PKP2: variants seen among roughly 807,000 people sequenced by gnomAD.
PKP2 encodes plakophilin-2.
A neutral mutation model predicts 83.4 loss-of-function variants in PKP2; 73 were observed. That is an observed-to-expected ratio of 0.88 (90% CI 0.72 to 1.06). The LOEUF is 1.06. Ranked by LOEUF, PKP2 falls within the 50% of genes least tolerant of loss-of-function variation. PKP2 has a pLI of 0.00. For synonymous variants in PKP2, 409 were observed against 430.4 expected, an observed-to-expected ratio of 0.95 and a Z score of 0.62; for missense variants, 966 against 1,065.4, an observed-to-expected ratio of 0.91 and a Z score of 1.30.
At position 32,850,968 on chromosome 12, in the gene PKP2, G is replaced by A; in HGVS notation, c.1176C>T (p.Asn392=). 1 of 1,613,778 alleles carries A rather than the reference G, an allele frequency of 6.2e-7. No individual in the cohort carries two copies. The highest frequency in any genetic ancestry group is 8.5e-7 in the Non-Finnish European group (1 of 1,179,832). ...GAAGCTTGAGGATGCCACGAAGCTGGTTAACCTGGGGAAGAAGCAGATGCA... is the reference window on the plus strand; with the variant it reads ...GAAGCTTGAGGATGCCACGAAGCTGATTAACCTGGGGAAGAAGCAGATGCA... ...FQKSEARKRV[N]QLRGILKLLQ... Residue 392 remains asparagine (N), a synonymous_variant, in exon 5 of 13, where the codon AAC becomes AAT. Transcript: ENST00000340811.
chr12:32,855,168 C>T (rs1206055584), intron 4 of PKP2, among the ~76,000 whole-genome samples: 2 of 152,184 alleles, frequency 1.3e-5, no homozygotes, highest in African/African-American at 4.8e-5. Flanking sequence ...CACAGACTAA[C>T]ATGCAAAAAT....
chr12:32,802,385 A>T lies in PKP2; in HGVS notation c.2167+18T>A. 6.2e-7 allele frequency: 1 copy of T among 1,611,484 alleles called. No homozygotes were observed. The highest frequency in any genetic ancestry group is 8.5e-7 in the Non-Finnish European group (1 of 1,177,768). ...TTCAGCATGTACATATTACACATAG[A>T]TACTTATACCGACTCACCAATTTCA... On this transcript the variant is annotated intron_variant, in intron 10 of 12. Coordinates refer to ENST00000340811, the MANE Select transcript of PKP2 (RefSeq NM_001005242.3).
intron 5 of PKP2, among the ~76,000 whole-genome samples, chr12:32,845,538 C>T (rs892239864): frequency 8.6e-5 from 13 of 151,886 alleles, no homozygotes; most frequent in Admixed American, 2.0e-4. Flanking sequence ...GGCAACAGAG[C>T]GAGACTCCGT....
At chr12:32,815,509 C>T (rs1956312455) in intron 9 of PKP2, among the ~76,000 whole-genome samples, 1 of 152,142 alleles carries the variant, frequency 6.6e-6, no homozygotes, top group African/African-American at 2.4e-5. Flanking sequence ...GTTTACTGAC[C>T]TGAATTGTAC....
At chr12:32,797,445 C>CAAA (rs548021913) in intron 10 of PKP2, among the ~76,000 whole-genome samples, 5 of 67,144 alleles carry the variant, frequency 7.4e-5, no homozygotes, top group South Asian at 8.7e-4. Context: ...GACCCTGTCT[C>CAAA]AAAAAAAAAA....
intron 6 of PKP2, 38 bp downstream of exon 6, chr12:32,840,990 T>C (rs377575948): frequency 1.1e-4 from 175 of 1,540,624 alleles, no homozygotes; most frequent in South Asian, 3.6e-4. Flanking sequence ...TAATTTTTTA[T>C]TGCATCTTCT....
chr12:32,881,423 A>ATT (rs1358412941), intron 1 of PKP2, among the ~76,000 whole-genome samples: 18 of 151,628 alleles, frequency 1.2e-4, no homozygotes, highest in African/African-American at 4.4e-4. Context: ...AAGAAAAAAA[A>ATT]TTTTTTTCTA....
At chr12:32,889,403 T>C (rs1957058403) in intron 1 of PKP2, among the ~76,000 whole-genome samples, 1 of 152,210 alleles carries the variant, frequency 6.6e-6, no homozygotes, top group Non-Finnish European at 1.5e-5. Flanking sequence ...GTGTGGAGAA[T>C]GGATTGGAGT....
At chr12:32,853,125 A>T (rs962715016) in intron 4 of PKP2, among the ~76,000 whole-genome samples, 2 of 152,164 alleles carry the variant, frequency 1.3e-5, no homozygotes, top group Non-Finnish European at 2.9e-5. Flanking sequence ...CTGGTCCAAC[A>T]GATTATTTCA....
rs1956422299 is a variant in PKP2, at chr12:32,825,017, AT to A, written c.1557-856del. ...TTACTAGCATTAACTACTTAAAAAAATATTTTTTTTTCCAAAAATGTCAATA... is the reference window on the plus strand; with the variant it reads ...TTACTAGCATTAACTACTTAAAAAAAATTTTTTTTTCCAAAAATGTCAATA... On this transcript the variant is annotated intron_variant, in intron 6 of 12. Transcript: ENST00000340811. Among the ~76,000 whole-genome samples the A allele has an allele frequency of 2.0e-5, 3 of 152,160 alleles. No individual in the cohort carries two copies. The South Asian group carries it at 6.2e-4, about 31-fold the overall frequency.
intron 4 of PKP2, among the ~76,000 whole-genome samples, chr12:32,857,149 C>T (rs937486942): frequency 1.8e-4 from 27 of 152,250 alleles, no homozygotes; most frequent in African/African-American, 2.9e-4. Context: ...TCAGGCCAGG[C>T]GCAACAGCTC....
intron 4 of PKP2, among the ~76,000 whole-genome samples, chr12:32,860,900 C>A (rs528450030): frequency 6.6e-6 from 1 of 151,928 alleles, no homozygotes; most frequent in African/African-American, 2.4e-5. Context: ...TGGTGGCATG[C>A]GCCTGTAATC....
At chr12:32,882,322 C>T (rs939861802) in intron 1 of PKP2, among the ~76,000 whole-genome samples, 2 of 152,196 alleles carry the variant, frequency 1.3e-5, no homozygotes, top group Admixed American at 6.5e-5. Context: ...TATAATAAAA[C>T]GGCAGGTGAT....
intron 3 of PKP2, among the ~76,000 whole-genome samples, chr12:32,869,790 C>A (rs953099636): frequency 3.3e-5 from 5 of 152,030 alleles, no homozygotes; most frequent in African/African-American, 1.2e-4. Context: ...GAGGGCAAGG[C>A]AGGAGGATTG....
At chr12:32,862,483 C>G (rs1956808558) in intron 4 of PKP2, among the ~76,000 whole-genome samples, 2 of 151,814 alleles carry the variant, frequency 1.3e-5, no homozygotes. Flanking sequence ...CCCATCTCTA[C>G]TAAAAATACA....
intron 9 of PKP2, among the ~76,000 whole-genome samples, chr12:32,817,565 T>TTAA (rs533995125): frequency 2.7e-4 from 41 of 152,366 alleles, no homozygotes; most frequent in Non-Finnish European, 4.3e-4. Context: ...GTTTGCCTTT[T>TTAA]TAATGTCTTA....
chr12:32,820,437 C>G (rs981606679), intron 9 of PKP2: 1 of 151,938 alleles, frequency 6.6e-6, no homozygotes, highest in Non-Finnish European at 1.5e-5. Flanking sequence ...AGGGAATAAC[C>G]TTTTACTATT....
At chr12:32,807,504 A>G (rs1284162166) in intron 9 of PKP2, among the ~76,000 whole-genome samples, 7 of 152,118 alleles carry the variant, frequency 4.6e-5, no homozygotes, top group Non-Finnish European at 8.8e-5. Context: ...GTGTCTTTCA[A>G]TTGGTGCATT....
intron 10 of PKP2, among the ~76,000 whole-genome samples, chr12:32,800,688 C>A (rs765711163): frequency 6.6e-6 from 1 of 152,098 alleles, no homozygotes; most frequent in Non-Finnish European, 1.5e-5. Context: ...TGCAGTACTG[C>A]GCATGTGGTA....
Sources: allele counts gnomAD v4.1 joint callset (sites outside exome capture counted in the v4.1 genomes callset), GRCh38; gene constraint gnomAD v4.1.1; transcripts MANE v1.5; gene names NCBI Gene and HGNC (gene_info 2026-07-23, HGNC 2026-07-21).